Variants in FAM47E observed in about 807,000 individuals in gnomAD.
FAM47E encodes protein FAM47E.
FAM47E carries 32 observed loss-of-function variants against 41.6 expected under a neutral mutation model. The observed-to-expected ratio is 0.77, with a 90% CI of 0.58 to 1.03. The LOEUF is 1.03. FAM47E is among the 50% of genes least tolerant of loss of function. The pLI, the probability that FAM47E is intolerant of heterozygous loss-of-function variation, is 0.00. For synonymous variants in FAM47E, 184 were observed against 188.7 expected (o/e 0.98, Z 0.20); for missense variants, 424 against 485.4 (o/e 0.87, Z 1.19).
At chr4:76,232,349 T>C (rs1331268412) in intron 2 of FAM47E, among the ~76,000 whole-genome samples, 1 of 152,188 alleles carries the variant, frequency 6.6e-6, no homozygotes, top group African/African-American at 2.4e-5. Context: ...TGTCACAATC[T>C]CCAAAGTTAT....
chr4:76,254,612 A>T (rs1734111505), intron 1 of FAM47E, among the ~76,000 whole-genome samples: 1 of 152,188 alleles, frequency 6.6e-6, no homozygotes, highest in Non-Finnish European at 1.5e-5. Flanking sequence ...GACTCACTAG[A>T]GAAGAATTGG....
chr4:76,281,578 A>G (rs1402665147), intron 7 of FAM47E: 1 of 152,080 alleles, frequency 6.6e-6, no homozygotes, highest in Non-Finnish European at 1.5e-5. Flanking sequence ...TCTGTGGTAT[A>G]TGTGTGTGTA....
intron 2 of FAM47E, among the ~76,000 whole-genome samples, chr4:76,235,234 C>T (rs1246559779): frequency 2.6e-5 from 4 of 152,088 alleles, no homozygotes; most frequent in African/African-American, 4.8e-5. Flanking sequence ...AGGAGAATGG[C>T]GTGACCCCGG....
intron 2 of FAM47E, among the ~76,000 whole-genome samples, chr4:76,261,332 C>T (rs1029980589): frequency 1.3e-5 from 2 of 151,980 alleles, no homozygotes; most frequent in Non-Finnish European, 2.9e-5. Flanking sequence ...GGTATCTACC[C>T]AAAGGAAAAG....
chr4:76,217,559 C>A, intron 1 of FAM47E: 1 of 504,088 alleles, frequency 2.0e-6, no homozygotes, highest in Non-Finnish European at 3.6e-6. Flanking sequence ...CACAGGTGTG[C>A]TCCCTTTCTG....
At chr4:76,245,754 A>G (rs1560736911) in intron 2 of FAM47E, among the ~76,000 whole-genome samples, 1 of 151,796 alleles carries the variant, frequency 6.6e-6, no homozygotes, top group East Asian at 1.9e-4. Flanking sequence ...CCACTGTTCA[A>G]CAAAGAGTGG....
intron 5 of FAM47E, among the ~76,000 whole-genome samples, chr4:76,273,135 C>T (rs1278116355): frequency 1.3e-5 from 2 of 152,176 alleles, no homozygotes; most frequent in East Asian, 3.9e-4. Flanking sequence ...TGATAACAGG[C>T]GGTTACTCAG....
chr4:76,251,671 G>A (rs1733966705), upstream of FAM47E: 1 of 1,374,432 alleles, frequency 7.3e-7, no homozygotes, highest in Non-Finnish European at 9.4e-7. Context: ...TGGTTGTGCG[G>A]TGTCCTAGCA....
At chr4:76,253,616 C>T (rs1320846025) in intron 1 of FAM47E, among the ~76,000 whole-genome samples, 1 of 152,034 alleles carries the variant, frequency 6.6e-6, no homozygotes, top group Non-Finnish European at 1.5e-5. Context: ...CCTTACTCTC[C>T]TCTTGGAACT....
intron 2 of FAM47E, among the ~76,000 whole-genome samples, chr4:76,224,024 C>T (rs1733352475): frequency 6.6e-6 from 1 of 152,178 alleles, no homozygotes; most frequent in Admixed American, 6.5e-5. Flanking sequence ...AACCAGGAGA[C>T]CTCCCCACAA....
chr4:76,232,755 C>T (rs777906089), intron 2 of FAM47E, among the ~76,000 whole-genome samples: 2 of 151,754 alleles, frequency 1.3e-5, no homozygotes, highest in Non-Finnish European at 2.9e-5. Flanking sequence ...TATCTAAAAG[C>T]CAGGTATCAG....
chr4:76,221,784 T>G (rs1363734310), intron 2 of FAM47E, among the ~76,000 whole-genome samples: 1 of 152,164 alleles, frequency 6.6e-6, no homozygotes, highest in Non-Finnish European at 1.5e-5. Context: ...GAGTATAGGT[T>G]GAAAACCTAC....
At position 76,262,062 on chromosome 4, in the gene FAM47E, A is replaced by G. The variant is rs151085559; in HGVS notation, c.421-1642A>G. On this transcript the variant is annotated intron_variant, in intron 2 of 7. Transcript: ENST00000424749. ...CTGGATCACCAGTATTGTTTCTGCC[A>G]ACTTTGGGGTCTGTATATGAGTATA... Among the ~76,000 whole-genome samples the G allele has an allele frequency of 1.7e-3, 260 of 152,274 alleles. 1 individual carries two copies. The highest frequency in any genetic ancestry group is 5.8e-3 in the African/African-American group (241 of 41,564).
intron 2 of FAM47E, among the ~76,000 whole-genome samples, chr4:76,259,549 T>C (rs963532722): frequency 6.6e-6 from 1 of 152,216 alleles, no homozygotes; most frequent in African/African-American, 2.4e-5. Flanking sequence ...AATGAAGTAT[T>C]TTATAATCAC....
chr4:76,256,083 C>A, intron 1 of FAM47E, 95 bp from the exon 2 acceptor site: 1 of 1,391,488 alleles, frequency 7.2e-7, no homozygotes, highest in Non-Finnish European at 9.6e-7. Context: ...TGGAGACCAG[C>A]CTTTTTACTA....
At chr4:76,228,949 C>G (rs756184022) in intron 2 of FAM47E, among the ~76,000 whole-genome samples, 5 of 152,132 alleles carry the variant, frequency 3.3e-5, no homozygotes, top group Non-Finnish European at 5.9e-5. Flanking sequence ...TTAAATTTCT[C>G]TTCTTCCACA....
At chr4:76,221,639 C>T (rs971085738) in intron 2 of FAM47E, among the ~76,000 whole-genome samples, 3 of 152,084 alleles carry the variant, frequency 2.0e-5, no homozygotes, top group Non-Finnish European at 1.5e-5. Context: ...TTATTTCAAG[C>T]GAACTACTGC....
intron 2 of FAM47E, among the ~76,000 whole-genome samples, chr4:76,229,037 A>G (rs60225905): frequency 0.15 from 22,778 of 151,944 alleles, 2,024 homozygotes; most frequent in East Asian, 0.35. Flanking sequence ...TTTTTTAATT[A>G]CTTTTTCTTT....
chr4:76,254,157 A>G (rs1734090686), intron 1 of FAM47E, among the ~76,000 whole-genome samples: 2 of 151,598 alleles, frequency 1.3e-5, no homozygotes, highest in African/African-American at 2.4e-5. Flanking sequence ...GAAAAAGAAA[A>G]GTGAAGAAAG....
Sources: gnomAD v4.1 joint callset for allele counts (sites outside exome capture counted in the v4.1 genomes callset) on GRCh38, gnomAD v4.1.1 for gene constraint, MANE v1.5 for transcripts, NCBI Gene and HGNC (gene_info 2026-07-23, HGNC 2026-07-21) for gene names.